Variants in PATJ observed in about 807,000 individuals in gnomAD.
PATJ encodes the protein inaD-like protein.
Under a neutral mutation model 224.9 loss-of-function variants are expected in PATJ, and 190 were observed. The observed-to-expected ratio is 0.84, with a 90% CI of 0.75 to 0.95. PATJ has a LOEUF of 0.95. Ranked by LOEUF, PATJ falls within the 40% of genes least tolerant of loss-of-function variation. The pLI, the probability that PATJ is intolerant of heterozygous loss-of-function variation, is 0.00. For missense variants in PATJ, 2,121 were observed against 2,270.3 expected (o/e 0.93, Z 1.34); for synonymous variants, 769 against 820.3 (o/e 0.94, Z 1.07).
intron 27 of PATJ, among the ~76,000 whole-genome samples, chr1:61,968,061 A>G (rs1426447680): frequency 6.6e-6 from 1 of 152,240 alleles, no homozygotes; most frequent in Admixed American, 6.5e-5. Context: ...GGAGTAAAGC[A>G]TTAAACCATG....
rs377489788 is a variant in PATJ, at chr1:62,144,777, A to AAAAATAT, written c.5272-3506_5272-3505insAAATATA. Among the ~76,000 whole-genome samples the AAAAATAT allele has an allele frequency of 9.3e-4, 111 of 119,096 alleles. 2 individuals are homozygous for AAAAATAT. The highest frequency in any genetic ancestry group is 3.1e-3 in the Admixed American group (34 of 10,930). 78.1% of individuals were successfully genotyped at this position (119,096 alleles called of 152,430 possible). ...TAGAATGTTATTTGCAAAAAAAAAA[A>AAAAATAT]ATATATATATATATATATAATTAGC... On this transcript the variant is annotated intron_variant, in intron 41 of 43. Transcript: ENST00000642238.
chr1:61,843,844 G>A (rs565259630), intron 17 of PATJ, among the ~76,000 whole-genome samples: 1 of 152,148 alleles, frequency 6.6e-6, no homozygotes, highest in Admixed American at 6.5e-5. Context: ...TAGAATCTGG[G>A]TACAGATTTG....
intron 20 of PATJ, among the ~76,000 whole-genome samples, chr1:61,866,367 A>G (rs1665427397): frequency 6.6e-6 from 1 of 152,196 alleles, no homozygotes; most frequent in Admixed American, 6.5e-5. Context: ...GTTTAGTTAA[A>G]CATTCAATTT....
intron 12 of PATJ, among the ~76,000 whole-genome samples, chr1:61,804,683 G>A (rs10889256): frequency 0.51 from 76,934 of 151,982 alleles, 19,659 homozygotes; most frequent in South Asian, 0.63. Flanking sequence ...ACTTTTGCCT[G>A]TTAGACATTA....
At chr1:61,848,509 C>T (rs960708368) in intron 17 of PATJ, among the ~76,000 whole-genome samples, 2 of 152,058 alleles carry the variant, frequency 1.3e-5, no homozygotes, top group Admixed American at 6.6e-5. Flanking sequence ...AGAACCTTTC[C>T]TTTGCCTCTT....
In PATJ at chr1:62,128,955, TC is replaced by T; in HGVS notation, c.5271+11del. 6.4e-7 allele frequency: 1 copy of T among 1,564,198 alleles called. No homozygotes were observed. Among genetic ancestry groups the T allele is most frequent in the Non-Finnish European group, 8.8e-7 (1 of 1,135,248 alleles). ...GCGCATTATCCTGCAGGTATTGCGA[TC>T]AACGGAGCACGCAGCTGTGCAAGGC... On this transcript the variant is annotated intron_variant, in intron 41 of 43. Transcript: ENST00000642238.
At chr1:62,041,626 T>G (rs1651493992) in intron 30 of PATJ, among the ~76,000 whole-genome samples, 1 of 152,212 alleles carries the variant, frequency 6.6e-6, no homozygotes, top group African/African-American at 2.4e-5. Flanking sequence ...AGTGGTACTA[T>G]TTACTAGAGT....
At chr1:61,922,979 A>C (rs1222473123) in intron 26 of PATJ, among the ~76,000 whole-genome samples, 3 of 152,280 alleles carry the variant, frequency 2.0e-5, no homozygotes, top group Non-Finnish European at 2.9e-5. Context: ...AAAATTCCAC[A>C]TAAGATCCCA....
At chr1:61,929,404 C>T (rs919610025) in intron 27 of PATJ, among the ~76,000 whole-genome samples, 4 of 149,168 alleles carry the variant, frequency 2.7e-5, no homozygotes, top group Non-Finnish European at 6.0e-5. Context: ...TATCTTATAA[C>T]CTGCCTCATA....
At chr1:62,045,525 C>G (rs922737404) in intron 30 of PATJ, among the ~76,000 whole-genome samples, 1 of 152,126 alleles carries the variant, frequency 6.6e-6, no homozygotes, top group African/African-American at 2.4e-5. Context: ...GCAAACCTTA[C>G]AAGTCTTGCC....
intron 22 of PATJ, among the ~76,000 whole-genome samples, chr1:61,889,853 A>G (rs1669346577): frequency 6.6e-6 from 1 of 152,266 alleles, no homozygotes; most frequent in African/African-American, 2.4e-5. Context: ...TACCAAGGAA[A>G]GCAAAACTGC....
In PATJ at chr1:61,827,498, CT is replaced by C; in HGVS notation, c.1898del (p.Leu633TrpfsTer14). 6.2e-7 allele frequency: 1 copy of C among 1,614,026 alleles called. No individual in the cohort carries two copies. The highest frequency in any genetic ancestry group is 8.5e-7 in the Non-Finnish European group (1 of 1,179,978). On this transcript the variant is annotated frameshift_variant, in exon 16 of 44. Coordinates refer to ENST00000642238, the MANE Select transcript of PATJ (RefSeq NM_001350145.3). LOFTEE classifies it high-confidence loss of function. ...SFLKEVPPPF[T>X]LVCCRRLFDD... ...CTTAAAGAAGTGCCACCCCCTTTTACTTTGGTTTGCTGTCGGAGGTTGTTTG... is the reference window on the plus strand; with the variant it reads ...CTTAAAGAAGTGCCACCCCCTTTTACTTGGTTTGCTGTCGGAGGTTGTTTG...
chr1:61,864,718 G>T (rs1339187697), intron 20 of PATJ, 85 bp downstream of exon 20: 122 of 1,289,756 alleles, frequency 9.5e-5, no homozygotes, highest in Non-Finnish European at 1.2e-4. Flanking sequence ...CTTCAATGTT[G>T]TTTGTTTTTA....
At chr1:61,873,190 A>G (rs1195165342) in intron 20 of PATJ, among the ~76,000 whole-genome samples, 1 of 152,064 alleles carries the variant, frequency 6.6e-6, no homozygotes, top group Non-Finnish European at 1.5e-5. Context: ...ATTTATTTAT[A>G]AAGACAGGGT....
Position 62,155,372 on chromosome 1 carries a change from C to A in PATJ, c.5502+1891C>A, listed in dbSNP as rs146951695. ...GACTGGTGGGCTGGGACCCAGACAC[C>A]TTTTGATGGCACCAGAACATACAGC... On this transcript the variant is annotated intron_variant, in intron 43 of 43. Transcript: ENST00000642238. Among the ~76,000 whole-genome samples, 190 of 152,258 alleles carry A rather than the reference C, an allele frequency of 1.2e-3. 1 individual carries two copies. The highest frequency in any genetic ancestry group is 4.1e-3 in the African/African-American group (171 of 41,538).
chr1:61,848,361 T>C (rs901485930), intron 17 of PATJ, among the ~76,000 whole-genome samples: 1 of 152,186 alleles, frequency 6.6e-6, no homozygotes, highest in African/African-American at 2.4e-5. Flanking sequence ...TTTAAAAATC[T>C]TGGAATTCTT....
At chr1:61,882,116 G>A (rs79708297) in intron 21 of PATJ, among the ~76,000 whole-genome samples, 8,006 of 152,124 alleles carry the variant, frequency 0.053, 251 homozygotes, top group African/African-American at 0.068. Flanking sequence ...AAATAAAGTC[G>A]GCCCACATTC....
intron 1 of PATJ, among the ~76,000 whole-genome samples, chr1:61,759,412 T>A (rs1645833571): frequency 1.0e-5 from 1 of 98,368 alleles, no homozygotes; most frequent in African/African-American, 3.0e-5. Flanking sequence ...TTTAATTGCT[T>A]TTTTTTTTTT....
chr1:62,081,795 G>A (rs1659317900), intron 32 of PATJ, among the ~76,000 whole-genome samples: 1 of 152,126 alleles, frequency 6.6e-6, no homozygotes, highest in African/African-American at 2.4e-5. Flanking sequence ...TCAAACTCCT[G>A]AACTCAGGTG....
Sources: gnomAD v4.1 joint callset for allele counts (sites outside exome capture counted in the v4.1 genomes callset) on GRCh38, gnomAD v4.1.1 for gene constraint, MANE v1.5 for transcripts, NCBI Gene and HGNC (gene_info 2026-07-23, HGNC 2026-07-21) for gene names.